The following COA8 variants were observed in gnomAD, a reference collection of about 807,000 sequenced individuals.
The protein encoded by COA8 is cytochrome c oxidase assembly factor 8, also known as UPF0671 protein C14orf153.
Under a neutral mutation model 22.0 loss-of-function variants are expected in COA8, and 20 were observed. The observed-to-expected ratio is 0.91, with a 90% CI of 0.64 to 1.32. The LOEUF is 1.32. Ranked by LOEUF, COA8 falls within the 40% of genes most tolerant of loss-of-function variation. COA8 has a pLI of 0.00. For missense variants in COA8, 266 were observed against 230.0 expected (o/e 1.16, Z -1.01); for synonymous variants, 105 against 79.9 (o/e 1.31, Z -1.68).
chr14:103,578,056 T>C (rs972241745), intron 3 of COA8, among the ~76,000 whole-genome samples: 1 of 147,216 alleles, frequency 6.8e-6, no homozygotes, highest in African/African-American at 2.5e-5. Flanking sequence ...AAGCCAAGTT[T>C]GGCAGTATGT....
intron 3 of COA8, among the ~76,000 whole-genome samples, chr14:103,580,877 A>G (rs1490128461): frequency 6.7e-6 from 1 of 149,724 alleles, no homozygotes; most frequent in Non-Finnish European, 1.5e-5. Context: ...GCTCACTGCA[A>G]CCTCTGCCTC....
intron 3 of COA8, among the ~76,000 whole-genome samples, chr14:103,582,217 T>G (rs946827874): frequency 3.3e-5 from 5 of 152,238 alleles, no homozygotes; most frequent in African/African-American, 9.6e-5. Context: ...AGAGTGCGCC[T>G]CCTGCACCCG....
chr14:103,590,515 C>G lies in COA8; in HGVS notation c.*229C>G, dbSNP rs1432548971. On this transcript the variant is annotated 3_prime_UTR_variant, in exon 5 of 5. Transcript: ENST00000409074. ...GTCACGTACGTGGTGTGAAATAAAG[C>G]CCAAGCACTGGGTGCCCGTTTCCTG... The G allele has an allele frequency of 2.2e-6, 1 of 462,058 alleles. No homozygotes were observed. The highest frequency in any genetic ancestry group is 2.0e-5 in the African/African-American group (1 of 49,744). 28.6% of individuals were successfully genotyped at this position (462,058 alleles called of 1,614,324 possible).
intron 1 of COA8, among the ~76,000 whole-genome samples, chr14:103,564,571 C>CTTT (rs561702478): frequency 1.3e-4 from 12 of 91,460 alleles, no homozygotes; most frequent in East Asian, 3.0e-4. Flanking sequence ...ATATACACTT[C>CTTT]TTTTTTTTTT....
At chr14:103,580,581 C>T (rs2076260470) in intron 3 of COA8, among the ~76,000 whole-genome samples, 1 of 151,774 alleles carries the variant, frequency 6.6e-6, no homozygotes, top group Non-Finnish European at 1.5e-5. Context: ...GCAACCTCCA[C>T]CTCCCGGGTT....
chr14:103,579,913 A>C (rs1187920862), intron 3 of COA8, among the ~76,000 whole-genome samples: 5 of 146,904 alleles, frequency 3.4e-5, no homozygotes, highest in Non-Finnish European at 6.0e-5. Context: ...CAGTGAGCCG[A>C]GATCATGCCA....
Position 103,571,821 on chromosome 14 carries a change from G to C in COA8, c.321+1G>C. 1 of 1,613,146 alleles carries C rather than the reference G, an allele frequency of 6.2e-7. No homozygotes were observed. The highest frequency in any genetic ancestry group is 1.3e-5 in the African/African-American group (1 of 74,950). ...AAACCAGAATTTGACTTTTAGTAAG[G>C]TAAGTTTAAGTTTTAGATCAGAACG... is the stretch of plus-strand genomic sequence containing the variant. On this transcript the variant is annotated splice_donor_variant, in intron 2 of 4. Coordinates refer to ENST00000409074, the MANE Select transcript of COA8 (RefSeq NM_001370595.2). LOFTEE classifies it high-confidence loss of function.
rs1166312978 is a variant in COA8 at position 103,568,855 on chromosome 14, C to T, written c.124-2768C>T. On this transcript the variant is annotated intron_variant, in intron 1 of 4. Transcript: ENST00000409074. ...CCATGTTGGCCAGGCTGGTCTCGAA[C>T]TCCTGACCTCAAATGATCCACCTGC... 2.0e-5 allele frequency among the ~76,000 whole-genome samples: 3 copies of T among 152,224 alleles called. No individual in the cohort carries two copies. In the East Asian group the frequency reaches 5.8e-4, roughly 29 times the overall value.
chr14:103,570,785 G>A (rs2076178138), intron 1 of COA8, among the ~76,000 whole-genome samples: 1 of 152,146 alleles, frequency 6.6e-6, no homozygotes, highest in African/African-American at 2.4e-5. Flanking sequence ...ACATGGAAGA[G>A]TTATTACTCA....
chr14:103,587,329 A>C lies in COA8; in HGVS notation c.441A>C (p.Leu147Phe), dbSNP rs774069678. 8.1e-6 allele frequency: 13 copies of C among 1,613,338 alleles called. No individual in the cohort carries two copies. In the South Asian group the frequency reaches 1.4e-4, roughly 18 times the overall value. The change falls in exon 4 of 5, where the codon TTA becomes TTC. Residue 147 changes from leucine to phenylalanine, a missense_variant. Coordinates refer to ENST00000409074, the MANE Select transcript of COA8 (RefSeq NM_001370595.2). ...TGGCGGACTTCTACAAGGAATTTTT[A>C]AGTAAAAATTTTCAGAAGCACATGT... ...EEMADFYKEF[L>F]SKNFQKHMYY... is the part of the protein sequence containing the mutation.
At chr14:103,574,192 T>G in intron 3 of COA8, 22 bp downstream of exon 3, 1 of 1,610,662 alleles carries the variant, frequency 6.2e-7, no homozygotes, top group African/African-American at 1.3e-5. Context: ...TGTTTGATTG[T>G]TTTTTTTGCT....
In COA8 at chr14:103,583,518, G is replaced by C. The variant is rs927054061; in HGVS notation, c.386-3756G>C. ...GATTGTGCCATTGCACTCCAGCCTG[G>C]GCAACAGAGCAAGACTCGATCTCAA... On this transcript the variant is annotated intron_variant, in intron 3 of 4. Coordinates refer to ENST00000409074, the MANE Select transcript of COA8 (RefSeq NM_001370595.2). Among the ~76,000 whole-genome samples the C allele has an allele frequency of 2.0e-5, 3 of 146,592 alleles. No homozygotes were observed. In the South Asian group the frequency reaches 6.6e-4, roughly 32 times the overall value.
chr14:103,577,164 G>A (rs1328826362), intron 3 of COA8, among the ~76,000 whole-genome samples: 2 of 152,076 alleles, frequency 1.3e-5, no homozygotes, highest in Non-Finnish European at 2.9e-5. Flanking sequence ...TCCACCTCCG[G>A]GTTCAAGCAA....
At chr14:103,563,885 T>TC (rs1181752439) in intron 1 of COA8, among the ~76,000 whole-genome samples, 2 of 152,172 alleles carry the variant, frequency 1.3e-5, no homozygotes, top group African/African-American at 4.8e-5. Flanking sequence ...TTGGACGGGC[T>TC]CCGTGGCTCA....
chr14:103,563,169 AG>A lies in COA8; in HGVS notation c.123+48del, dbSNP rs916851292. The stretch of plus-strand genomic sequence containing the variant: ...CATTGGGCCGGGAGGGGTGACCGGA[AG>A]GGAAGACAAACCCGGGCCTCGGGGC... On this transcript the variant is annotated intron_variant, in intron 1 of 4. Coordinates refer to ENST00000409074, the MANE Select transcript of COA8 (RefSeq NM_001370595.2). The A allele has an allele frequency of 5.2e-6, 8 of 1,537,440 alleles. No individual in the cohort carries two copies. In the African/African-American group the frequency reaches 1.1e-4, roughly 21 times the overall value.
chr14:103,585,137 C>CTAAA (rs558840250), intron 3 of COA8, among the ~76,000 whole-genome samples: 2,380 of 149,766 alleles, frequency 0.016, 61 homozygotes, highest in African/African-American at 0.055. Context: ...GACTCTGTCT[C>CTAAA]TAAATAAATA....
chr14:103,587,508 C>CTTTTTTTTT (rs368240107), intron 4 of COA8, 144 bp downstream of exon 4: 70 of 308,742 alleles, frequency 2.3e-4, no homozygotes, highest in African/African-American at 5.1e-4. Context: ...TTCTTTTTTT[C>CTTTTTTTTT]TTTTTTTTTT....
rs370229295 is a variant in COA8, at chr14:103,588,805, G to A, written c.477-1376G>A. Among the ~76,000 whole-genome samples the A allele has an allele frequency of 3.3e-5, 5 of 152,272 alleles. No individual in the cohort carries two copies. In the South Asian group the frequency reaches 8.3e-4, roughly 25 times the overall value. On this transcript the variant is annotated intron_variant, in intron 4 of 4. Transcript: ENST00000409074. ...TGCAGTGAGCCGAGATCCCGCTACT[G>A]CACTCCAGCCTGGGCTACAGAGTGA...
At chr14:103,589,915 A>G (rs1487358211) in intron 4 of COA8, among the ~76,000 whole-genome samples, 2 of 150,206 alleles carry the variant, frequency 1.3e-5, no homozygotes, top group African/African-American at 2.4e-5. Context: ...CTCCGTCTCA[A>G]AAAAAAAAAA....
Sources: allele counts gnomAD v4.1 joint callset (sites outside exome capture counted in the v4.1 genomes callset), GRCh38; gene constraint gnomAD v4.1.1; transcripts MANE v1.5; gene names NCBI Gene and HGNC (gene_info 2026-07-23, HGNC 2026-07-21).